LTBP2: variants seen among roughly 807,000 people sequenced by gnomAD.
LTBP2 encodes latent transforming growth factor beta binding protein 2.
A neutral mutation model predicts 210.6 loss-of-function variants in LTBP2; 103 were observed. That is an observed-to-expected ratio of 0.49 (90% CI 0.42 to 0.58). The LOEUF is 0.58. Among genes scored for constraint, LTBP2 ranks in the 20% least tolerant of loss-of-function variants. The probability of loss-of-function intolerance (pLI) is 0.00; values close to 1 mark genes in which losing one functional copy is unlikely to be tolerated. For missense variants in LTBP2, 2,313 were observed against 2,494.5 expected (o/e 0.93, Z 1.55); for synonymous variants, 1,007 against 1,015.0 (o/e 0.99, Z 0.15).
In LTBP2 at chr14:74,552,979, A is replaced by G. The variant is rs2087680674; in HGVS notation, c.1105T>C (p.Cys369Arg). ...ICKQTCARGH[C>R]ANSCERGDTT... is the part of the protein sequence containing the mutation. ...TCGCCCCTCTCACAGCTGTTGGCAC[A>G]GTGTCCACGGGCACAGGTCTGCTTG... Residue 369 changes from cysteine to arginine, a missense_variant, in exon 5 of 36, where the codon TGT becomes CGT. This residue lies in a region of LTBP2 where 1,867 missense variants were observed against 1,976.9 expected (regional missense o/e 0.94). Transcript: ENST00000261978. 1 of 1,614,046 alleles carries G rather than the reference A, an allele frequency of 6.2e-7. No homozygotes were observed. Among genetic ancestry groups the G allele is most frequent in the South Asian group, 1.1e-5 (1 of 91,080 alleles).
At chr14:74,517,035 C>A in intron 17 of LTBP2, 94 bp from the exon 18 acceptor site, 2 of 1,481,356 alleles carry the variant, frequency 1.4e-6, no homozygotes, top group Non-Finnish European at 9.1e-7. Flanking sequence ...AGGCCAAGGA[C>A]AAAGGATGCC....
At chr14:74,592,522 C>T (rs571598382) in intron 2 of LTBP2, among the ~76,000 whole-genome samples, 1 of 151,220 alleles carries the variant, frequency 6.6e-6, no homozygotes, top group East Asian at 1.9e-4. Context: ...GAGTGGGACC[C>T]CATCTCTACA....
chr14:74,551,055 T>C lies in LTBP2; in HGVS notation c.1686+9A>G. The C allele has an allele frequency of 6.2e-7, 1 of 1,613,600 alleles. No homozygotes were observed. Among genetic ancestry groups the C allele is most frequent in the Non-Finnish European group, 8.5e-7 (1 of 1,180,012 alleles). On this transcript the variant is annotated intron_variant, in intron 7 of 35. Coordinates refer to ENST00000261978, the MANE Select transcript of LTBP2 (RefSeq NM_000428.3). Reference sequence around the variant, plus strand: ...GCATCCAGGGCTGAGGCCAGAGCTGTGTTCTCACCTGTCCGTTCACAGTGT... The same window carrying C: ...GCATCCAGGGCTGAGGCCAGAGCTGCGTTCTCACCTGTCCGTTCACAGTGT...
intron 2 of LTBP2, among the ~76,000 whole-genome samples, chr14:74,597,881 G>A (rs1048252793): frequency 5.9e-5 from 9 of 152,156 alleles, no homozygotes; most frequent in Non-Finnish European, 1.0e-4. Flanking sequence ...GGCTCCTGGT[G>A]GGTGCTAACC....
At chr14:74,552,832 T>C (rs1411598458) in intron 5 of LTBP2, 60 bp downstream of exon 5, 6 of 1,568,470 alleles carry the variant, frequency 3.8e-6, no homozygotes, top group Non-Finnish European at 3.5e-6. Context: ...CAGGCCTGGC[T>C]CTCTGGCCAT....
Position 74,532,262 on chromosome 14 carries a change from T to C in LTBP2, c.1987+164A>G, listed in dbSNP as rs565571101. Among the ~76,000 whole-genome samples the C allele has an allele frequency of 2.0e-5, 3 of 152,010 alleles. No homozygotes were observed. In the East Asian group the frequency reaches 5.8e-4, roughly 29 times the overall value. ...GTTCCAGCAGGATGGGCTGATCAGGTTTTTCACATTGGGCCCAACTCCAGG... is the reference window on the plus strand; with the variant it reads ...GTTCCAGCAGGATGGGCTGATCAGGCTTTTCACATTGGGCCCAACTCCAGG... On this transcript the variant is annotated intron_variant, in intron 10 of 35. Transcript: ENST00000261978.
chr14:74,609,890 G>A (rs2088580653), intron 1 of LTBP2, among the ~76,000 whole-genome samples: 1 of 152,234 alleles, frequency 6.6e-6, no homozygotes. Flanking sequence ...CAGGATCCTT[G>A]GAAGCATGCA....
rs762919974 is a variant in LTBP2, at chr14:74,535,959, C to G, written c.1831G>C (p.Gly611Arg). The G allele has an allele frequency of 6.5e-5, 105 of 1,614,038 alleles. 2 individuals are homozygous for G. In the South Asian group the frequency reaches 1.2e-3, roughly 18 times the overall value. The change falls in exon 9 of 36, where the codon GGG becomes CGG. Residue 611 changes from glycine (G) to arginine (R), a missense_variant. By Grantham distance (125) the Gly-to-Arg change is moderately radical (BLOSUM62 -2). Around this residue, in one of 3 missense-constraint regions of LTBP2, gnomAD observed 1,867 missense variants for 1,976.9 expected, o/e 0.94. Coordinates refer to ENST00000261978, the MANE Select transcript of LTBP2 (RefSeq NM_000428.3). ...TGAGTGAGGTTCAGTCTCTTGTACC[C>G]CTGAGGACACTCCAGCTGGCCATTC... ...IENGQLECPQGYKRLNLTHCQ... is the reference protein window; with the variant it reads ...IENGQLECPQRYKRLNLTHCQ...
chr14:74,578,573 G>A (rs2088092106), intron 3 of LTBP2, among the ~76,000 whole-genome samples: 1 of 152,022 alleles, frequency 6.6e-6, no homozygotes, highest in African/African-American at 2.4e-5. Flanking sequence ...TAATCCTCAG[G>A]GCACCCAGCA....
At chr14:74,592,148 T>C (rs1453055386) in intron 2 of LTBP2, among the ~76,000 whole-genome samples, 1 of 152,234 alleles carries the variant, frequency 6.6e-6, no homozygotes, top group African/African-American at 2.4e-5. Flanking sequence ...CTATGCCAAA[T>C]GAGCATGATT....
intron 3 of LTBP2, among the ~76,000 whole-genome samples, chr14:74,556,109 A>G (rs2087725581): frequency 6.6e-6 from 1 of 152,182 alleles, no homozygotes; most frequent in Non-Finnish European, 1.5e-5. Context: ...ACTTCTTAAT[A>G]TATCCCTTAA....
chr14:74,537,425 A>C (rs928949662), intron 8 of LTBP2, among the ~76,000 whole-genome samples: 1 of 152,250 alleles, frequency 6.6e-6, no homozygotes, highest in South Asian at 2.1e-4. Flanking sequence ...CACAGACCTT[A>C]TTCCATACAA....
At chr14:74,506,609 G>T in intron 27 of LTBP2, 89 bp downstream of exon 27, 1 of 1,585,110 alleles carries the variant, frequency 6.3e-7, no homozygotes, top group Non-Finnish European at 8.6e-7. Flanking sequence ...ACCCGTGATG[G>T]AGCCACGTGA....
chr14:74,502,576 A>T lies in LTBP2; in HGVS notation c.5170+77T>A, dbSNP rs146308929. On this transcript the variant is annotated intron_variant, in intron 34 of 35. Transcript: ENST00000261978. ...TCCCAGTCCTCACCCTGCTGGCAATATGACTAGCAGGTGGAGGAGATGGAA... is the reference window on the plus strand; with the variant it reads ...TCCCAGTCCTCACCCTGCTGGCAATTTGACTAGCAGGTGGAGGAGATGGAA... 1.6e-3 allele frequency: 2,487 copies of T among 1,597,148 alleles called. 39 individuals are homozygous for T. In the African/African-American group the frequency reaches 0.027, roughly 17 times the overall value.
chr14:74,605,262 A>G (rs1022585674), intron 1 of LTBP2, among the ~76,000 whole-genome samples: 1 of 152,252 alleles, frequency 6.6e-6, no homozygotes, highest in African/African-American at 2.4e-5. Flanking sequence ...GAAGAATTCA[A>G]AATAAATTCC....
chr14:74,512,875 G>T (rs1328440072), intron 18 of LTBP2, among the ~76,000 whole-genome samples: 2 of 152,346 alleles, frequency 1.3e-5, no homozygotes, highest in Non-Finnish European at 2.9e-5. Context: ...GATCTAAGAT[G>T]ACTAACTTTG....
At chr14:74,596,608 G>T (rs1482776667) in intron 2 of LTBP2, among the ~76,000 whole-genome samples, 1 of 152,232 alleles carries the variant, frequency 6.6e-6, no homozygotes, top group Non-Finnish European at 1.5e-5. Context: ...GCAGCAGGCT[G>T]TGGTATCACC....
Position 74,600,896 on chromosome 14 carries a change from G to A in LTBP2, c.565+2739C>T, listed in dbSNP as rs150104411. 6.6e-3 allele frequency among the ~76,000 whole-genome samples: 1,004 copies of A among 152,230 alleles called. 11 individuals carry two copies. The highest frequency in any genetic ancestry group is 0.023 in the African/African-American group (960 of 41,504). On this transcript the variant is annotated intron_variant, in intron 2 of 35. Coordinates refer to ENST00000261978, the MANE Select transcript of LTBP2 (RefSeq NM_000428.3). ...GAGCTGGTTAGAACATAGAATATCC[G>A]CCCCACCCCAGATCTGCTGAATCAG...
At chr14:74,554,944 G>A (rs1363267880) in intron 4 of LTBP2, among the ~76,000 whole-genome samples, 1 of 151,926 alleles carries the variant, frequency 6.6e-6, no homozygotes, top group African/African-American at 2.4e-5. Context: ...GCATGTCTGT[G>A]GGCTGATGGA....
Sources: allele counts gnomAD v4.1 joint callset (sites outside exome capture counted in the v4.1 genomes callset), GRCh38; gene constraint gnomAD v4.1.1; regional missense constraint gnomAD v4.1.1; transcripts MANE v1.5; gene names NCBI Gene and HGNC (gene_info 2026-07-23, HGNC 2026-07-21).